The following LYPD6 variants were observed in gnomAD, a reference collection of about 807,000 sequenced individuals.
The protein encoded by LYPD6 is ly6/PLAUR domain-containing protein 6.
Under a neutral mutation model 22.7 loss-of-function variants are expected in LYPD6, and 15 were observed. That is an observed-to-expected ratio of 0.66 (90% confidence interval 0.44 to 1.02). The LOEUF is 1.02. Among genes scored for constraint, LYPD6 ranks in the 50% least tolerant of loss-of-function variants. The probability of loss-of-function intolerance (pLI) is 0.00; values close to 1 mark genes in which losing one functional copy is unlikely to be tolerated. For synonymous variants in LYPD6, 72 were observed against 77.5 expected, an observed-to-expected ratio of 0.93 and a Z score of 0.37; for missense variants, 189 against 208.4, an observed-to-expected ratio of 0.91 and a Z score of 0.57.
At chr2:149,484,557 G>A in the LYPD6 span, among the ~76,000 whole-genome samples, 5,960 of 144,722 alleles carry the variant, frequency 0.041, 401 homozygotes, top group African/African-American at 0.14. Context: ...AGCTACCCCC[G>A]TAGTCCATGC....
At chr2:149,481,552 A>C in the LYPD6 span, among the ~76,000 whole-genome samples, 1 of 152,228 alleles carries the variant, frequency 6.6e-6, no homozygotes, top group Non-Finnish European at 1.5e-5. Context: ...AAAACAAAAC[A>C]AAACAAAAAA....
At position 149,461,428 on chromosome 2, in the gene LYPD6, A is replaced by G. The variant is rs540865552; in HGVS notation, c.218-7217A>G. 1.5e-4 allele frequency among the ~76,000 whole-genome samples: 23 copies of G among 152,048 alleles called. No individual in the cohort carries two copies. The South Asian group carries it at 4.8e-3, about 32-fold the overall frequency. The stretch of plus-strand genomic sequence containing the variant: ...CTCATAAAAGAACTCTTCAGGCCCA[A>G]ATAATTTCACTGGAGAATTTTACCA... On this transcript the variant is annotated intron_variant, in intron 3 of 4. Coordinates refer to ENST00000334166, the MANE Select transcript of LYPD6 (RefSeq NM_194317.5).
chr2:149,404,228 T>C (rs188390006), intron 1 of LYPD6, among the ~76,000 whole-genome samples: 1,944 of 152,280 alleles, frequency 0.013, 25 homozygotes, highest in Non-Finnish European at 0.019. Context: ...TCTTTTTTGG[T>C]TCCATATGAA....
intron 3 of LYPD6, chr2:149,464,369 T>C (rs1558817319): frequency 7.7e-6 from 2 of 258,424 alleles, no homozygotes; most frequent in African/African-American, 4.7e-5. Context: ...CAGACCATGC[T>C]AAGGATGCAC....
intron 1 of LYPD6, among the ~76,000 whole-genome samples, chr2:149,387,556 G>T (rs1682215673): frequency 6.6e-6 from 1 of 152,180 alleles, no homozygotes; most frequent in Admixed American, 6.5e-5. Context: ...AAAAAGACAG[G>T]TTGCAGCCTG....
At chr2:149,395,394 T>G (rs1036091690) in intron 1 of LYPD6, among the ~76,000 whole-genome samples, 1 of 152,212 alleles carries the variant, frequency 6.6e-6, no homozygotes, top group Non-Finnish European at 1.5e-5. Context: ...ATTAAAAATT[T>G]TGGGATTCTA....
At chr2:149,469,367 T>C in intron 4 of LYPD6, among the ~76,000 whole-genome samples, 1 of 152,292 alleles carries the variant, frequency 6.6e-6, no homozygotes, top group South Asian at 2.1e-4. Flanking sequence ...GGAGGCAGCC[T>C]TGAAGGGGCA....
Position 149,473,799 on chromosome 2 carries a change from A to G in LYPD6, c.*2949A>G, listed in dbSNP as rs1235339203. 1.3e-5 allele frequency: 2 copies of G among 152,228 alleles called. No individual in the cohort carries two copies. The highest frequency in any genetic ancestry group is 4.8e-5 in the African/African-American group (2 of 41,464). The allele number at this position is 152,228 out of a possible 1,614,324, so 9.4% of individuals were successfully genotyped here. A position where few individuals can be genotyped will look rare whatever the true frequency, so the allele number is the denominator to read the frequency against. ...ATACAAGACAATTCACCCATGCCAA[A>G]TGATTCATACAGGCTGTTTAAGTAC... On this transcript the variant is annotated 3_prime_UTR_variant, in exon 5 of 5. Coordinates refer to ENST00000334166, the MANE Select transcript of LYPD6 (RefSeq NM_194317.5).
intron 2 of LYPD6, among the ~76,000 whole-genome samples, chr2:149,444,365 G>C (rs946954451): frequency 1.3e-5 from 2 of 152,124 alleles, no homozygotes; most frequent in African/African-American, 4.8e-5. Context: ...GAATGATCAG[G>C]GTGATGGTTG....
At chr2:149,358,257 A>G (rs1364664953) in intron 1 of LYPD6, among the ~76,000 whole-genome samples, 1 of 152,218 alleles carries the variant, frequency 6.6e-6, no homozygotes, top group Non-Finnish European at 1.5e-5. Flanking sequence ...ATATTATCAT[A>G]TTCATTCACT....
intron 1 of LYPD6, among the ~76,000 whole-genome samples, chr2:149,386,898 TC>T (rs1682200080): frequency 6.6e-6 from 1 of 152,154 alleles, no homozygotes; most frequent in African/African-American, 2.4e-5. Flanking sequence ...ACTTGGAAGA[TC>T]TTTAAATCAT....
chr2:149,476,239 C>T (rs1473324935), downstream of LYPD6, among the ~76,000 whole-genome samples: 2 of 152,080 alleles, frequency 1.3e-5, no homozygotes, highest in Admixed American at 6.5e-5. Context: ...CGAGGACCAT[C>T]ATGGTAGTGA....
rs370702040 is a variant in LYPD6, at chr2:149,346,287, G to A, written c.-72+15565G>A. 8.4e-4 allele frequency among the ~76,000 whole-genome samples: 127 copies of A among 152,020 alleles called. 4 individuals are homozygous for A. The South Asian group carries it at 0.026, about 31-fold the overall frequency. ...AAAAATGCATAAAGTTAAAATTATT[G>A]TACATAAAAGTTTTTACACAGATTT... On this transcript the variant is annotated intron_variant, in intron 1 of 4. Coordinates refer to ENST00000334166, the MANE Select transcript of LYPD6 (RefSeq NM_194317.5).
intron 1 of LYPD6, among the ~76,000 whole-genome samples, chr2:149,421,514 T>C (rs934173897): frequency 6.6e-5 from 10 of 152,104 alleles, no homozygotes; most frequent in African/African-American, 2.2e-4. Flanking sequence ...AGAAAGCACC[T>C]ATGGAAGCAC....
chr2:149,389,558 C>T (rs551670021), intron 1 of LYPD6, among the ~76,000 whole-genome samples: 1 of 152,288 alleles, frequency 6.6e-6, no homozygotes, highest in Admixed American at 6.5e-5. Flanking sequence ...TTGTCTGCGT[C>T]TTAGCTTACA....
chr2:149,386,224 G>A (rs1310634755), intron 1 of LYPD6, among the ~76,000 whole-genome samples: 1 of 152,156 alleles, frequency 6.6e-6, no homozygotes, highest in African/African-American at 2.4e-5. Context: ...AGGGTACTAG[G>A]TTTTATATCC....
At chr2:149,452,307 C>G (rs545321157) in intron 3 of LYPD6, among the ~76,000 whole-genome samples, 1 of 152,336 alleles carries the variant, frequency 6.6e-6, no homozygotes, top group South Asian at 2.1e-4. Context: ...CCACACTCAG[C>G]TTCCTGCTTG....
Position 149,470,694 on chromosome 2 carries a change from T to C in LYPD6, c.360T>C (p.Ser120=). 1 of 1,613,574 alleles carries C rather than the reference T, an allele frequency of 6.2e-7. No individual in the cohort carries two copies. The highest frequency in any genetic ancestry group is 8.5e-7 in the Non-Finnish European group (1 of 1,179,588). The stretch of plus-strand genomic sequence containing the variant: ...TTCCTTTCTTTCAGGTCTGCACTTC[T>C]TGTTGTGAAGGAAATATCTGTAACT... ...SEHEGHKVCT[S]CCEGNICNLP... is the part of the protein sequence containing the mutation. Residue 120 remains serine (S), a synonymous_variant, in exon 5 of 5, where the codon TCT becomes TCC. Transcript: ENST00000334166.
At chr2:149,421,745 A>G (rs770747261) in intron 1 of LYPD6, among the ~76,000 whole-genome samples, 3 of 152,152 alleles carry the variant, frequency 2.0e-5, no homozygotes, top group Non-Finnish European at 4.4e-5. Context: ...TTAAAGCTTA[A>G]TATCAGTTTT....
Sources: gnomAD v4.1 joint callset for allele counts (sites outside exome capture counted in the v4.1 genomes callset) on GRCh38, gnomAD v4.1.1 for gene constraint, MANE v1.5 for transcripts, NCBI Gene and HGNC (gene_info 2026-07-23, HGNC 2026-07-21) for gene names.